The following HECTD2 variants were observed in gnomAD, a reference collection of about 807,000 sequenced individuals.
HECTD2 encodes the protein probable E3 ubiquitin-protein ligase HECTD2.
Under a neutral mutation model 103.2 loss-of-function variants are expected in HECTD2, and 35 were observed. The observed-to-expected ratio is 0.34, with a 90% confidence interval of 0.26 to 0.45. HECTD2 has a LOEUF of 0.45. Among genes scored for constraint, HECTD2 ranks in the 20% least tolerant of loss-of-function variants. The pLI is 1.00. For missense variants in HECTD2, 596 were observed against 937.4 expected, an observed-to-expected ratio of 0.64 and a Z score of 4.76; for synonymous variants, 281 against 329.9, an observed-to-expected ratio of 0.85 and a Z score of 1.61.
intron 2 of HECTD2, among the ~76,000 whole-genome samples, chr10:91,445,603 G>A (rs995145725): frequency 2.6e-5 from 4 of 152,068 alleles, no homozygotes; most frequent in African/African-American, 7.2e-5. Flanking sequence ...CAAGTCAGCC[G>A]AATAGGAACA....
At chr10:91,456,770 A>G (rs1190767386) in intron 2 of HECTD2, among the ~76,000 whole-genome samples, 1 of 152,128 alleles carries the variant, frequency 6.6e-6, no homozygotes, top group Non-Finnish European at 1.5e-5. Flanking sequence ...AAGTTTCAAA[A>G]CAAATATCTA....
intron 2 of HECTD2, among the ~76,000 whole-genome samples, chr10:91,449,464 A>G (rs1173477819): frequency 6.6e-6 from 1 of 152,188 alleles, no homozygotes; most frequent in African/African-American, 2.4e-5. Context: ...AGCTGGAAGC[A>G]TTCCCTTTAA....
rs1846315795 is a variant in HECTD2, at chr10:91,487,711, T to G, written c.1124T>G (p.Ile375Ser). 6.2e-7 allele frequency: 1 copy of G among 1,612,432 alleles called. No individual in the cohort carries two copies. Among genetic ancestry groups the G allele is most frequent in the South Asian group, 1.1e-5 (1 of 91,052 alleles). ...RFSFCQYPFV[I>S]SVAAKKIIIQ... ...TCCTTCTGTCAGTACCCATTCGTTATTTCTGTAGCTGCAAAAAAAATCATT... is the reference window on the plus strand; with the variant it reads ...TCCTTCTGTCAGTACCCATTCGTTAGTTCTGTAGCTGCAAAAAAAATCATT... Residue 375 changes from isoleucine (I) to serine (S), a missense_variant, in exon 11 of 21, where the codon ATT becomes AGT. Transcript: ENST00000298068. This position sits in a 1 kb window ranked among gnomAD's most constrained non-coding sequence, Gnocchi z 4.1.
chr10:91,457,984 A>G (rs1218037223), intron 2 of HECTD2, among the ~76,000 whole-genome samples: 1 of 151,190 alleles, frequency 6.6e-6, no homozygotes, highest in Non-Finnish European at 1.5e-5. Flanking sequence ...AATAAGAAAT[A>G]AGACTTTCCC....
chr10:91,467,625 C>CCCTGCAGCCCCCACCAG (rs1845576615), intron 5 of HECTD2, among the ~76,000 whole-genome samples: 1 of 150,310 alleles, frequency 6.7e-6, no homozygotes, highest in Admixed American at 6.6e-5. Context: ...CCAGCACACA[C>CCCTGCAGCCCCCACCAG]CAGCCTACCT....
chr10:91,411,871 T>C (rs531752015), intron 1 of HECTD2, among the ~76,000 whole-genome samples: 1 of 152,338 alleles, frequency 6.6e-6, no homozygotes, highest in East Asian at 1.9e-4. Flanking sequence ...ATATAGGAAG[T>C]CTTTAACTCA....
chr10:91,410,913 G>A (rs540491461), intron 1 of HECTD2, among the ~76,000 whole-genome samples: 3 of 152,320 alleles, frequency 2.0e-5, no homozygotes, highest in Non-Finnish European at 4.4e-5. Context: ...ATGAGCATAG[G>A]TGTCAGCAGG....
In HECTD2 at chr10:91,512,415, T is replaced by C. The variant is rs1847459676; in HGVS notation, c.*31T>C. The C allele has an allele frequency of 2.5e-6, 4 of 1,591,854 alleles. No homozygotes were observed. Among genetic ancestry groups the C allele is most frequent in the South Asian group, 1.1e-5 (1 of 89,090 alleles). ...AAGACTTGAAATATAATCTTTTATA[T>C]GTAGCATTCACTTCCCTCTTACTGT... On this transcript the variant is annotated 3_prime_UTR_variant, in exon 21 of 21. Transcript: ENST00000298068.
In HECTD2 at chr10:91,496,301, A is replaced by C. The variant is rs1846660871; in HGVS notation, c.1609A>C (p.Ile537Leu). ...CAAGAAATTATTGAGCCCTCCCATC[A>C]TTCCTAGTGATCAAAATATACCAGT... is the stretch of plus-strand genomic sequence containing the variant. ...CYKKLLSPPIIPSDQNIPVGI... is the reference protein window; with the variant it reads ...CYKKLLSPPILPSDQNIPVGI... The change falls in exon 15 of 21, where the codon ATT becomes CTT. Residue 537 changes from isoleucine to leucine, a missense_variant. By Grantham distance (5) the Ile-to-Leu change is conservative (BLOSUM62 2). This residue lies in a region of HECTD2 where 303 missense variants were observed against 522.5 expected (regional missense o/e 0.58). Transcript: ENST00000298068. 1.9e-6 allele frequency: 3 copies of C among 1,612,360 alleles called. No homozygotes were observed. The African/African-American group carries it at 4.0e-5, about 22-fold the overall frequency.
chr10:91,437,916 T>C (rs912449532), intron 2 of HECTD2, among the ~76,000 whole-genome samples: 3 of 151,984 alleles, frequency 2.0e-5, no homozygotes, highest in African/African-American at 4.8e-5. Flanking sequence ...TTTAAACTTA[T>C]TTTTGTTCTT....
At chr10:91,496,710 C>G (rs951004752) in intron 15 of HECTD2, among the ~76,000 whole-genome samples, 1 of 151,944 alleles carries the variant, frequency 6.6e-6, no homozygotes, top group Non-Finnish European at 1.5e-5. Flanking sequence ...TAAATGATGA[C>G]AATTATATCA....
At chr10:91,476,245 T>C (rs1195218283) in intron 5 of HECTD2, among the ~76,000 whole-genome samples, 1 of 152,140 alleles carries the variant, frequency 6.6e-6, no homozygotes, top group East Asian at 1.9e-4. Context: ...GGGATTGACC[T>C]TGGTCAAGTG....
At chr10:91,478,403 T>A (rs1845983010) in intron 6 of HECTD2, 138 bp downstream of exon 6, 1 of 588,810 alleles carries the variant, frequency 1.7e-6, no homozygotes, top group African/African-American at 1.9e-5. Context: ...GAGAAAAGAA[T>A]TATAAGCCAT....
chr10:91,507,221 G>A (rs969813267), intron 20 of HECTD2, among the ~76,000 whole-genome samples: 3 of 151,130 alleles, frequency 2.0e-5, no homozygotes, highest in Admixed American at 2.0e-4. Context: ...GCACAAGACA[G>A]GGATGCCCTC....
rs1380594093 is a variant in HECTD2 at position 91,514,533 on chromosome 10, A to AATC, written c.*2150_*2152dup. ...ATGTAGTTACTTTTTTTACATATAT[A>AATC]ATCTGTTAATGAATTATTGATTTTT... On this transcript the variant is annotated 3_prime_UTR_variant, in exon 21 of 21. Coordinates refer to ENST00000298068, the MANE Select transcript of HECTD2 (RefSeq NM_182765.6). The AATC allele has an allele frequency of 1.3e-5, 2 of 152,608 alleles. No homozygotes were observed. The highest frequency in any genetic ancestry group is 4.8e-5 in the African/African-American group (2 of 41,444). 9.5% of individuals were successfully genotyped at this position (152,608 alleles called of 1,614,324 possible). A position where few individuals can be genotyped will look rare whatever the true frequency, so the allele number is the denominator to read the frequency against.
chr10:91,422,326 A>C (rs2133017212), intron 1 of HECTD2, among the ~76,000 whole-genome samples: 1 of 152,296 alleles, frequency 6.6e-6, no homozygotes, highest in Non-Finnish European at 1.5e-5. Flanking sequence ...TTGTCAATGA[A>C]AAAATGCCTT....
intron 5 of HECTD2, among the ~76,000 whole-genome samples, chr10:91,472,281 CT>C (rs975885456): frequency 7.2e-5 from 11 of 152,168 alleles, no homozygotes; most frequent in African/African-American, 2.4e-4. Flanking sequence ...GGACCCATTT[CT>C]TTCACAATAT....
chr10:91,489,282 T>C (rs1249542046), intron 11 of HECTD2: 1 of 152,180 alleles, frequency 6.6e-6, no homozygotes, highest in East Asian at 1.9e-4. Context: ...TTATCAGTTT[T>C]TTATGGGTGT....
chr10:91,461,334 C>G lies in HECTD2; in HGVS notation c.488C>G (p.Pro163Arg), dbSNP rs1564718909. The change falls in exon 4 of 21, where the codon CCA becomes CGA. Residue 163 changes from proline to arginine, a missense_variant. By Grantham distance (103) the Pro-to-Arg change is moderately radical. Coordinates refer to ENST00000298068, the MANE Select transcript of HECTD2 (RefSeq NM_182765.6). ...TATCTAACAACGTTTGATTCTTTCCCAGAATTAAATGCTGCATTTAAGGTA... is the reference window on the plus strand; with the variant it reads ...TATCTAACAACGTTTGATTCTTTCCGAGAATTAAATGCTGCATTTAAGGTA... ...DFYLTTFDSF[P>R]ELNAAFKKDA... 1 of 1,520,560 alleles carries G rather than the reference C, an allele frequency of 6.6e-7. No individual in the cohort carries two copies. The highest frequency in any genetic ancestry group is 2.0e-5 in the Admixed American group (1 of 49,690). 94.2% of individuals were successfully genotyped at this position (1,520,560 alleles called of 1,614,324 possible).
Sources: allele counts gnomAD v4.1 joint callset (sites outside exome capture counted in the v4.1 genomes callset), GRCh38; gene constraint gnomAD v4.1.1; regional missense constraint gnomAD v4.1.1; non-coding constraint Gnocchi (gnomAD v3.1); transcripts MANE v1.5; gene names NCBI Gene and HGNC (gene_info 2026-07-23, HGNC 2026-07-21).